The following B3GLCT variants were observed in gnomAD, a reference collection of about 807,000 sequenced individuals.
B3GLCT encodes the protein beta-1,3-glucosyltransferase.
A neutral mutation model predicts 63.4 loss-of-function variants in B3GLCT; 65 were observed. The observed-to-expected ratio is 1.03, with a 90% CI of 0.84 to 1.26. B3GLCT has a LOEUF of 1.26. B3GLCT is among the 50% of genes most tolerant of loss of function. The pLI, the probability that B3GLCT is intolerant of heterozygous loss-of-function variation, is 0.00. For missense variants in B3GLCT, 577 were observed against 604.8 expected (o/e 0.95, Z 0.48); for synonymous variants, 233 against 219.2 (o/e 1.06, Z -0.55).
intron 10 of B3GLCT, among the ~76,000 whole-genome samples, chr13:31,282,524 C>G (rs1383369983): frequency 6.6e-6 from 1 of 151,970 alleles, no homozygotes; most frequent in Admixed American, 6.6e-5. Context: ...CGCCTGTAGT[C>G]CCAGCTACTC....
chr13:31,219,028 C>T (rs1837570415), intron 2 of B3GLCT, among the ~76,000 whole-genome samples: 1 of 151,798 alleles, frequency 6.6e-6, no homozygotes, highest in Non-Finnish European at 1.5e-5. Context: ...GTGTAAAGCG[C>T]TGGTTCCAGT....
At chr13:31,287,459 C>G (rs1873390983) in intron 12 of B3GLCT, among the ~76,000 whole-genome samples, 1 of 152,258 alleles carries the variant, frequency 6.6e-6, no homozygotes, top group East Asian at 1.9e-4. Flanking sequence ...CTAGACTAAG[C>G]ACTTTTCCAG....
At chr13:31,312,881 T>C (rs975229677) in intron 12 of B3GLCT, 1 of 152,188 alleles carries the variant, frequency 6.6e-6, no homozygotes, top group South Asian at 2.1e-4. Context: ...GCAGATCAGA[T>C]TTTTACACCA....
intron 4 of B3GLCT, among the ~76,000 whole-genome samples, chr13:31,237,042 C>T (rs147872104): frequency 1.2e-3 from 181 of 152,042 alleles, no homozygotes; most frequent in African/African-American, 4.0e-3. Context: ...AGGAGAGTTG[C>T]CTGGACCTAG....
chr13:31,248,006 A>G (rs1871271647), intron 6 of B3GLCT, 40 bp downstream of exon 6: 1 of 1,084,370 alleles, frequency 9.2e-7, no homozygotes, highest in South Asian at 1.3e-5. Context: ...TTTGGGGGAC[A>G]GTGTTTCAAA....
intron 12 of B3GLCT, among the ~76,000 whole-genome samples, chr13:31,301,757 G>T (rs1276202779): frequency 6.6e-6 from 1 of 152,130 alleles, no homozygotes; most frequent in African/African-American, 2.4e-5. Context: ...GTCTTTAAAA[G>T]TTCTCCAAAC....
chr13:31,222,957 G>C lies in B3GLCT; in HGVS notation c.126G>C (p.Leu42Phe), dbSNP rs1410403206. 2.0e-6 allele frequency: 3 copies of C among 1,522,556 alleles called. No individual in the cohort carries two copies. Among genetic ancestry groups the C allele is most frequent in the Non-Finnish European group, 2.7e-6 (3 of 1,097,448 alleles). The allele number at this position is 1,522,556 out of a possible 1,614,324, so 94.3% of individuals were successfully genotyped here. Reference sequence around the variant, plus strand: ...CTCTTTCATTTAAAATACAGGATTTGGAGAAAAGTGGTATATCAAGGAAAA... The same window carrying C: ...CTCTTTCATTTAAAATACAGGATTTCGAGAAAAGTGGTATATCAAGGAAAA... ...TKKEVKQSQD[L>F]EKSGISRKND... Residue 42 changes from leucine to phenylalanine, a missense_variant, in exon 3 of 15, where the codon TTG becomes TTC. Transcript: ENST00000343307.
chr13:31,311,867 A>G (rs1874728380), intron 12 of B3GLCT, among the ~76,000 whole-genome samples: 1 of 152,254 alleles, frequency 6.6e-6, no homozygotes, highest in Non-Finnish European at 1.5e-5. Context: ...AAGTCAGTCA[A>G]TATTGCAAAC....
intron 1 of B3GLCT, among the ~76,000 whole-genome samples, chr13:31,203,090 C>A (rs145718898): frequency 2.0e-4 from 30 of 152,216 alleles, no homozygotes; most frequent in African/African-American, 5.8e-4. Context: ...CCTGTGTGAG[C>A]CAACTTTGTA....
intron 1 of B3GLCT, among the ~76,000 whole-genome samples, chr13:31,203,879 G>A (rs556871383): frequency 2.0e-5 from 3 of 152,292 alleles, no homozygotes; most frequent in East Asian, 3.9e-4. Flanking sequence ...CTGATTTAAC[G>A]TAGGCGTTGA....
chr13:31,202,690 TG>T (rs1566036878), intron 1 of B3GLCT, among the ~76,000 whole-genome samples: 7 of 152,170 alleles, frequency 4.6e-5, no homozygotes. Context: ...GTGGGGCTCC[TG>T]GTAAAGCTCA....
In B3GLCT at chr13:31,276,757, T is replaced by A. The variant is rs1173536615; in HGVS notation, c.836T>A (p.Phe279Tyr). 6.2e-7 allele frequency: 1 copy of A among 1,612,144 alleles called. No individual in the cohort carries two copies. Among genetic ancestry groups the A allele is most frequent in the Non-Finnish European group, 8.5e-7 (1 of 1,178,268 alleles). Residue 279 changes from phenylalanine (F) to tyrosine (Y), a missense_variant, in exon 10 of 15, where the codon TTT (phenylalanine) becomes TAT (tyrosine). Phe to Tyr is a conservative substitution (Grantham distance 22). Coordinates refer to ENST00000343307, the MANE Select transcript of B3GLCT (RefSeq NM_194318.4). Reference protein sequence around the residue: ...IFVAVKTCKKFHGDRIPIVKQ... With the variant: ...IFVAVKTCKKYHGDRIPIVKQ... ...GTTGCAGTAAAAACATGCAAGAAATTTCATGGTGACAGAAGTATGTTTTGG... is the reference window on the plus strand; with the variant it reads ...GTTGCAGTAAAAACATGCAAGAAATATCATGGTGACAGAAGTATGTTTTGG...
chr13:31,207,652 A>G (rs1180344668), intron 1 of B3GLCT, among the ~76,000 whole-genome samples: 2 of 152,184 alleles, frequency 1.3e-5, no homozygotes, highest in African/African-American at 4.8e-5. Flanking sequence ...TGTCAAGTGA[A>G]GAAAAGCTAA....
chr13:31,255,107 G>A (rs1392558079), intron 6 of B3GLCT, among the ~76,000 whole-genome samples: 1 of 150,692 alleles, frequency 6.6e-6, no homozygotes, highest in Non-Finnish European at 1.5e-5. Flanking sequence ...CTTCAGCAAA[G>A]TCTCGGGATA....
rs373976786 is a variant in B3GLCT, at chr13:31,309,488, G to A, written c.1065-8078G>A. Among the ~76,000 whole-genome samples the A allele has an allele frequency of 3.7e-4, 56 of 152,296 alleles. 1 individual carries two copies. In the South Asian group the frequency reaches 0.011, roughly 30 times the overall value. On this transcript the variant is annotated intron_variant, in intron 12 of 14. Transcript: ENST00000343307. ...CACCAGTCATAAGTCCAGACCTCCA[G>A]ATCTTCTGACTGACTGACTTTAAGT...
chr13:31,291,193 T>C (rs1382932718), intron 12 of B3GLCT, among the ~76,000 whole-genome samples: 1 of 152,216 alleles, frequency 6.6e-6, no homozygotes, highest in Non-Finnish European at 1.5e-5. Context: ...TTCTATTCCA[T>C]TGGTCTGTAT....
chr13:31,288,596 A>T (rs1873471684), intron 12 of B3GLCT, among the ~76,000 whole-genome samples: 2 of 152,320 alleles, frequency 1.3e-5, no homozygotes, highest in South Asian at 4.1e-4. Flanking sequence ...TTCAGCTAAT[A>T]ACCATACCCT....
intron 7 of B3GLCT, among the ~76,000 whole-genome samples, chr13:31,262,469 CAAG>C (rs1437940118): frequency 6.6e-6 from 1 of 152,198 alleles, no homozygotes. Flanking sequence ...GGAGTGAAGA[CAAG>C]AAGAAGTAGT....
At chr13:31,290,077 C>A (rs919244432) in intron 12 of B3GLCT, among the ~76,000 whole-genome samples, 4 of 152,114 alleles carry the variant, frequency 2.6e-5, no homozygotes, top group Non-Finnish European at 5.9e-5. Flanking sequence ...TCCAGGTGTT[C>A]TCCTTGTTCA....
Sources: allele counts gnomAD v4.1 joint callset (sites outside exome capture counted in the v4.1 genomes callset), GRCh38; gene constraint gnomAD v4.1.1; transcripts MANE v1.5; gene names NCBI Gene and HGNC (gene_info 2026-07-23, HGNC 2026-07-21).